Variants in WDR41 observed in about 807,000 individuals in gnomAD.
WDR41 encodes WD repeat domain 41, also known as WD repeat-containing protein 41.
In WDR41, 63 loss-of-function variants were observed where a neutral mutation model predicts 69.3. That is an observed-to-expected ratio of 0.91 (90% CI 0.74 to 1.12). The LOEUF is 1.12. WDR41 is among the 50% of genes most tolerant of loss of function. WDR41 has a pLI of 0.00. For missense variants in WDR41, 543 were observed against 534.5 expected (o/e 1.02, Z -0.16); for synonymous variants, 185 against 192.1 (o/e 0.96, Z 0.31).
At chr5:77,563,444 G>A (rs1580011615) in intron 1 of WDR41, among the ~76,000 whole-genome samples, 1 of 152,254 alleles carries the variant, frequency 6.6e-6, no homozygotes, top group Admixed American at 6.5e-5. Flanking sequence ...CAACCTTAGT[G>A]TGCCTCATCT....
rs984512636 is a variant in WDR41, at chr5:77,524,315, C to T, written c.43-34743G>A. 3.9e-5 allele frequency among the ~76,000 whole-genome samples: 6 copies of T among 152,120 alleles called. No homozygotes were observed. The East Asian group carries it at 5.8e-4, about 15-fold the overall frequency. On this transcript the variant is annotated intron_variant, in intron 1 of 5. Transcript: ENST00000509971. The stretch of plus-strand genomic sequence containing the variant: ...TGGAAATAATAAATCAGGCCAAGTG[C>T]GGTGGCACACACCTGTAATCCCAGC...
chr5:77,554,138 A>T (rs1193536415), intron 1 of WDR41, among the ~76,000 whole-genome samples: 1 of 152,222 alleles, frequency 6.6e-6, no homozygotes, highest in African/African-American at 2.4e-5. Context: ...TCTCTAGGGA[A>T]TTCTGCTGAG....
intron 1 of WDR41, among the ~76,000 whole-genome samples, chr5:77,516,045 A>G (rs1802287138): frequency 6.6e-6 from 1 of 152,336 alleles, no homozygotes; most frequent in East Asian, 1.9e-4. Flanking sequence ...TTTCTGGATC[A>G]AAAGGCAAAT....
chr5:77,556,800 C>G lies in WDR41; in HGVS notation c.42+63679G>C, dbSNP rs74681011. On this transcript the variant is annotated intron_variant, in intron 1 of 5. Coordinates refer to the WDR41 transcript ENST00000509971. ...ACACAATGAGGCTTTCTGGTCAGAA[C>G]AGGACAGGCATCCAAGCCAGTTCTA... 5.4e-3 allele frequency among the ~76,000 whole-genome samples: 822 copies of G among 152,252 alleles called. 6 individuals carry two copies. The highest frequency in any genetic ancestry group is 0.019 in the African/African-American group (775 of 41,530).
At chr5:77,594,137 C>G (rs1272884191) in intron 1 of WDR41, among the ~76,000 whole-genome samples, 4 of 151,492 alleles carry the variant, frequency 2.6e-5, no homozygotes, top group Non-Finnish European at 2.9e-5. Flanking sequence ...AAGCTGGAAA[C>G]CATCATTCTC....
intron 1 of WDR41, among the ~76,000 whole-genome samples, chr5:77,597,244 G>A (rs1744244069): frequency 6.6e-6 from 1 of 152,192 alleles, no homozygotes; most frequent in Admixed American, 6.5e-5. Flanking sequence ...GCTCTAATAA[G>A]CCTATAATTC....
At chr5:77,501,665 G>A (rs900349093) in intron 1 of WDR41, among the ~76,000 whole-genome samples, 3 of 152,138 alleles carry the variant, frequency 2.0e-5, no homozygotes, top group African/African-American at 7.2e-5. Context: ...GCCCCTCTGG[G>A]ACAAAGCTTC....
At chr5:77,497,864 T>C (rs766833471) in intron 1 of WDR41, among the ~76,000 whole-genome samples, 1 of 152,200 alleles carries the variant, frequency 6.6e-6, no homozygotes, top group Non-Finnish European at 1.5e-5. Context: ...CACAGATGAA[T>C]GGATAAATAA....
chr5:77,461,668 T>C (rs1216063302), intron 4 of WDR41, among the ~76,000 whole-genome samples: 1 of 152,070 alleles, frequency 6.6e-6, no homozygotes, highest in African/African-American at 2.4e-5. Flanking sequence ...AAACCCCGTC[T>C]CTACTAAAAA....
At chr5:77,567,842 A>T (rs1580013773) in intron 1 of WDR41, among the ~76,000 whole-genome samples, 1 of 147,616 alleles carries the variant, frequency 6.8e-6, no homozygotes. Context: ...TCATCCTCCT[A>T]CTCCTCCCGT....
chr5:77,583,544 A>G (rs1395434778), intron 1 of WDR41, among the ~76,000 whole-genome samples: 1 of 151,862 alleles, frequency 6.6e-6, no homozygotes, highest in Admixed American at 6.6e-5. Context: ...ACCCACGTAT[A>G]CGTTTCATGT....
intron 1 of WDR41, among the ~76,000 whole-genome samples, chr5:77,505,509 C>T (rs371864533): frequency 9.2e-5 from 14 of 152,076 alleles, no homozygotes; most frequent in East Asian, 5.8e-4. Context: ...ACTTTCTTCA[C>T]AGAATTGGAA....
intron 1 of WDR41, among the ~76,000 whole-genome samples, chr5:77,574,793 A>G (rs1045890743): frequency 6.6e-6 from 1 of 152,176 alleles, no homozygotes; most frequent in African/African-American, 2.4e-5. Context: ...AATTTCCCAT[A>G]CAACCCAACA....
chr5:77,530,458 C>T (rs939269732), intron 1 of WDR41, among the ~76,000 whole-genome samples: 1 of 151,480 alleles, frequency 6.6e-6, no homozygotes, highest in African/African-American at 2.4e-5. Context: ...CTGATATAAT[C>T]AACAGTATGG....
In WDR41 at chr5:77,562,476, C is replaced by T. The variant is rs539565128; in HGVS notation, c.42+58003G>A. On this transcript the variant is annotated intron_variant, in intron 1 of 5. Transcript: ENST00000509971. ...TTTAACACAAATACCGATAATATAT[C>T]TTCATTTGGTGGCAGGGAACTAACA... is the stretch of plus-strand genomic sequence containing the variant. Among the ~76,000 whole-genome samples the T allele has an allele frequency of 2.6e-5, 4 of 152,244 alleles. No individual in the cohort carries two copies. The South Asian group carries it at 8.3e-4, about 32-fold the overall frequency.
rs1029194021 is a variant in WDR41 at position 77,582,796 on chromosome 5, G to A, written c.42+37683C>T. ...GCTGAGGATTGTAGAGCCATATATA[G>A]CATGGGGGTACCCCAATCTGAAGTC... On this transcript the variant is annotated intron_variant, in intron 1 of 5. Coordinates refer to the WDR41 transcript ENST00000509971. The A allele has an allele frequency of 1.9e-6, 3 of 1,600,918 alleles. No homozygotes were observed. In the African/African-American group the frequency reaches 4.0e-5, roughly 21 times the overall value.
chr5:77,433,213 T>A lies in WDR41; in HGVS notation c.1302A>T (p.Gly434=), dbSNP rs562922528. The A allele has an allele frequency of 5.0e-6, 8 of 1,613,972 alleles. No individual in the cohort carries two copies. The highest frequency in any genetic ancestry group is 6.8e-6 in the Non-Finnish European group (8 of 1,179,968). Residue 434 remains glycine (G), a synonymous_variant, in exon 13 of 13, where the codon GGA becomes GGT. Coordinates refer to ENST00000296679, the MANE Select transcript of WDR41 (RefSeq NM_018268.4). ...ADHLIILWKN[G]ERESGLRSLR... ...AACTGCGCAATCCAGATTCTCGCTC[T>A]CCATTTTTCCACAAAATAATGAGAT...
chr5:77,575,655 A>G (rs1440966060), intron 1 of WDR41, among the ~76,000 whole-genome samples: 2 of 152,154 alleles, frequency 1.3e-5, no homozygotes, highest in African/African-American at 4.8e-5. Flanking sequence ...CGTGATACTA[A>G]TTGTGCAACC....
intron 1 of WDR41, among the ~76,000 whole-genome samples, chr5:77,610,598 C>A (rs1744526710): frequency 6.6e-6 from 1 of 151,872 alleles, no homozygotes; most frequent in South Asian, 2.1e-4. Context: ...TACAGACAAG[C>A]AAATGCTGAG....
Sources: gnomAD v4.1 joint callset for allele counts (sites outside exome capture counted in the v4.1 genomes callset) on GRCh38, gnomAD v4.1.1 for gene constraint, MANE v1.5 for transcripts, NCBI Gene and HGNC (gene_info 2026-07-23, HGNC 2026-07-21) for gene names.